HERC3: variants seen among roughly 807,000 people sequenced by gnomAD.
HERC3 encodes the protein HECT and RLD domain containing E3 ubiquitin protein ligase 3.
In HERC3, 58 loss-of-function variants were observed where a neutral mutation model predicts 129.9. The ratio of observed to expected loss-of-function variants is 0.45; its 90% confidence interval spans 0.36 to 0.56. The LOEUF (loss-of-function observed/expected upper bound fraction) is 0.56. Ranked by LOEUF, HERC3 falls within the 20% of genes least tolerant of loss-of-function variation. HERC3 has a pLI of 0.00. For synonymous variants in HERC3, 430 were observed against 451.0 expected, an observed-to-expected ratio of 0.95 and a Z score of 0.59; for missense variants, 835 against 1,244.2, an observed-to-expected ratio of 0.67 and a Z score of 4.95.
At chr4:88,585,004 C>T in the HERC3 span, among the ~76,000 whole-genome samples, 1 of 152,188 alleles carries the variant, frequency 6.6e-6, no homozygotes, top group African/African-American at 2.4e-5. Flanking sequence ...ATTTATTTCT[C>T]ATAGTTCTGG....
the HERC3 span, among the ~76,000 whole-genome samples, chr4:88,547,759 C>A: frequency 2.0e-5 from 3 of 152,114 alleles, no homozygotes; most frequent in Non-Finnish European, 4.4e-5. Flanking sequence ...TGGTTCAAGC[C>A]ATTCATGTGC....
intron 3 of HERC3, among the ~76,000 whole-genome samples, chr4:88,629,824 T>C (rs1457489943): frequency 6.6e-6 from 1 of 152,202 alleles, no homozygotes; most frequent in Non-Finnish European, 1.5e-5. Context: ...AAGTCAAATA[T>C]GGAGATTTTT....
At chr4:88,607,508 G>A (rs1723795289) in intron 3 of HERC3, among the ~76,000 whole-genome samples, 1 of 151,974 alleles carries the variant, frequency 6.6e-6, no homozygotes, top group Non-Finnish European at 1.5e-5. Context: ...CTGTCGCCCA[G>A]GCTGGAGTGC....
intron 23 of HERC3, chr4:88,697,925 A>G: frequency 1.2e-6 from 1 of 838,982 alleles, no homozygotes; most frequent in Non-Finnish European, 1.8e-6. Context: ...GCTTCCCACT[A>G]TCAGCTGACG....
chr4:88,678,856 A>G (rs1406120595), intron 19 of HERC3, among the ~76,000 whole-genome samples: 2 of 152,314 alleles, frequency 1.3e-5, no homozygotes, highest in East Asian at 3.9e-4. Context: ...CATCAGTCGT[A>G]TCAATCTGCC....
At chr4:88,578,819 T>C in the HERC3 span, among the ~76,000 whole-genome samples, 1 of 152,136 alleles carries the variant, frequency 6.6e-6, no homozygotes, top group Non-Finnish European at 1.5e-5. Context: ...GGAAATGACT[T>C]GTCTAAGATC....
At chr4:88,591,485 T>C (rs529968416), upstream of HERC3, among the ~76,000 whole-genome samples, 4 of 152,300 alleles carry the variant, frequency 2.6e-5, no homozygotes, top group Non-Finnish European at 5.9e-5. Flanking sequence ...GAATCTATCC[T>C]CAAAGGGCCT....
At chr4:88,666,937 G>T (rs1731107337) in intron 12 of HERC3, among the ~76,000 whole-genome samples, 2 of 152,158 alleles carry the variant, frequency 1.3e-5, no homozygotes, top group Admixed American at 6.6e-5. Context: ...ATTTGTTGAT[G>T]AGTGGACCAG....
intron 21 of HERC3, among the ~76,000 whole-genome samples, 155 bp from the exon 22 acceptor site, chr4:88,686,568 CTGCAAGGTGTAGG>C (rs1733488565): frequency 6.6e-6 from 1 of 152,198 alleles, no homozygotes; most frequent in African/African-American, 2.4e-5. Flanking sequence ...CCATAATTCT[CTGCAAGGTGTAGG>C]TACATGATTT....
At chr4:88,688,376 G>A (rs2149327731) in intron 23 of HERC3, among the ~76,000 whole-genome samples, 1 of 152,220 alleles carries the variant, frequency 6.6e-6, no homozygotes, top group South Asian at 2.1e-4. Context: ...TTACTTTGGG[G>A]GTCCTGTGGA....
chr4:88,642,793 C>T (rs1436083754), intron 3 of HERC3, among the ~76,000 whole-genome samples: 1 of 151,940 alleles, frequency 6.6e-6, no homozygotes, highest in Non-Finnish European at 1.5e-5. Flanking sequence ...TCAGCATATA[C>T]GTTTTGGGGG....
At chr4:88,598,690 C>T (rs1001281099) in intron 2 of HERC3, among the ~76,000 whole-genome samples, 5 of 152,192 alleles carry the variant, frequency 3.3e-5, no homozygotes, top group African/African-American at 1.2e-4. Context: ...GCACCTTCTC[C>T]TGATTTTGGA....
intron 11 of HERC3, 122 bp downstream of exon 11, chr4:88,662,677 G>C: frequency 9.7e-7 from 1 of 1,034,876 alleles, no homozygotes; most frequent in South Asian, 1.7e-5. Flanking sequence ...ACATTATAGG[G>C]AATCGTGGGT....
chr4:88,625,315 C>T (rs1041942027), intron 3 of HERC3, among the ~76,000 whole-genome samples: 4 of 152,044 alleles, frequency 2.6e-5, no homozygotes, highest in East Asian at 1.9e-4. Flanking sequence ...TTGGATCTTT[C>T]GATTCATGAA....
chr4:88,650,512 T>G (rs905536389), intron 4 of HERC3, among the ~76,000 whole-genome samples: 2 of 152,214 alleles, frequency 1.3e-5, no homozygotes, highest in South Asian at 2.1e-4. Context: ...ATCTAAACCT[T>G]AGATGATTTA....
the HERC3 span, among the ~76,000 whole-genome samples, chr4:88,568,158 G>A: frequency 3.3e-5 from 5 of 152,188 alleles, no homozygotes; most frequent in South Asian, 2.1e-4. Context: ...TCCATGCTGC[G>A]CAGGCTGAAG....
chr4:88,640,476 A>G (rs776411966), intron 3 of HERC3, among the ~76,000 whole-genome samples: 42 of 152,234 alleles, frequency 2.8e-4, no homozygotes, highest in Non-Finnish European at 5.7e-4. Context: ...ACACAGAAAC[A>G]GAAAACCAAA....
chr4:88,545,909 A>G, the HERC3 span, among the ~76,000 whole-genome samples: 1 of 152,334 alleles, frequency 6.6e-6, no homozygotes, highest in East Asian at 1.9e-4. Context: ...CAAGTGCTCT[A>G]TATTTCCAAC....
rs146903519 is a variant in HERC3, at chr4:88,639,324, T to C, written c.227-10516T>C. On this transcript the variant is annotated intron_variant, in intron 3 of 25. Transcript: ENST00000402738. ...AAAGAACAAAGCTGGAAGCATCATGTTACCTGATTTCAAACTATCCTACAA... is the reference window on the plus strand; with the variant it reads ...AAAGAACAAAGCTGGAAGCATCATGCTACCTGATTTCAAACTATCCTACAA... 7.6e-3 allele frequency among the ~76,000 whole-genome samples: 1,159 copies of C among 152,190 alleles called. 14 individuals are homozygous for C. The highest frequency in any genetic ancestry group is 0.026 in the African/African-American group (1,099 of 41,540).
Sources: allele counts gnomAD v4.1 joint callset (sites outside exome capture counted in the v4.1 genomes callset), GRCh38; gene constraint gnomAD v4.1.1; transcripts MANE v1.5; gene names NCBI Gene and HGNC (gene_info 2026-07-23, HGNC 2026-07-21).